THSD7A: variants seen among roughly 807,000 people sequenced by gnomAD.
THSD7A encodes the protein thrombospondin type-1 domain-containing protein 7A.
Under a neutral mutation model 231.3 loss-of-function variants are expected in THSD7A, and 96 were observed. The ratio of observed to expected loss-of-function variants is 0.41; its 90% confidence interval spans 0.35 to 0.49. THSD7A has a LOEUF of 0.49. Ranked by LOEUF, THSD7A falls within the 20% of genes least tolerant of loss-of-function variation. The probability of loss-of-function intolerance (pLI) is 0.05; values close to 1 mark genes in which losing one functional copy is unlikely to be tolerated. For missense variants in THSD7A, 2,290 were observed against 2,070.2 expected, an observed-to-expected ratio of 1.11 and a Z score of -2.06; for synonymous variants, 940 against 743.3, an observed-to-expected ratio of 1.26 and a Z score of -4.30.
intron 2 of THSD7A, among the ~76,000 whole-genome samples, chr7:11,616,578 G>A (rs565502318): frequency 3.9e-5 from 6 of 152,146 alleles, no homozygotes; most frequent in Non-Finnish European, 7.4e-5. Context: ...CTTCCTAGCA[G>A]CACTGACTAA....
chr7:11,492,563 T>C (rs997396643), intron 6 of THSD7A, among the ~76,000 whole-genome samples: 1 of 152,014 alleles, frequency 6.6e-6, no homozygotes, highest in Non-Finnish European at 1.5e-5. Context: ...GTGTAAAATT[T>C]TGACCCACTG....
chr7:11,571,328 A>C (rs1372844813), intron 4 of THSD7A, among the ~76,000 whole-genome samples: 2 of 152,006 alleles, frequency 1.3e-5, no homozygotes, highest in African/African-American at 4.8e-5. Context: ...TCATTTACTT[A>C]CTCATTCCCC....
intron 4 of THSD7A, among the ~76,000 whole-genome samples, chr7:11,568,869 A>G (rs893428225): frequency 6.6e-5 from 10 of 151,750 alleles, no homozygotes; most frequent in African/African-American, 2.4e-4. Context: ...ATAAAAATAA[A>G]ATTTCAGTAA....
chr7:11,574,155 A>T (rs761386462), intron 4 of THSD7A, among the ~76,000 whole-genome samples: 5 of 152,184 alleles, frequency 3.3e-5, no homozygotes, highest in Non-Finnish European at 7.3e-5. Flanking sequence ...TGGTGATCTA[A>T]ATAACATTAT....
chr7:11,713,769 A>G (rs1781042151), intron 1 of THSD7A, among the ~76,000 whole-genome samples: 1 of 151,208 alleles, frequency 6.6e-6, no homozygotes, highest in Non-Finnish European at 1.5e-5. Flanking sequence ...ACACAGAGCT[A>G]GATGTTCTCT....
At chr7:11,603,010 A>T (rs559943197) in intron 2 of THSD7A, among the ~76,000 whole-genome samples, 1 of 151,368 alleles carries the variant, frequency 6.6e-6, no homozygotes, top group Admixed American at 6.6e-5. Context: ...TGGCAACAAA[A>T]GACAAAATTG....
chr7:11,769,153 A>ATATATATTTTTTTTTTTTTTTTTTTT, intron 1 of THSD7A, among the ~76,000 whole-genome samples: 1 of 27,660 alleles, frequency 3.6e-5, no homozygotes, highest in Non-Finnish European at 7.0e-5. Context: ...ATATATATAT[A>ATATATATTTTTTTTTTTTTTTTTTTT]TTTTTTTTTT....
At chr7:11,536,272 A>C (rs1000303637) in intron 6 of THSD7A, among the ~76,000 whole-genome samples, 1 of 152,156 alleles carries the variant, frequency 6.6e-6, no homozygotes, top group African/African-American at 2.4e-5. Context: ...CTTTTAGTTT[A>C]TACAACATTT....
intron 6 of THSD7A, among the ~76,000 whole-genome samples, chr7:11,507,659 C>T (rs1412153043): frequency 1.3e-5 from 2 of 150,386 alleles, no homozygotes; most frequent in Non-Finnish European, 2.9e-5. Flanking sequence ...GATAATACTG[C>T]TAATAATACT....
At chr7:11,788,309 T>C (rs997442543) in intron 1 of THSD7A, among the ~76,000 whole-genome samples, 1 of 152,088 alleles carries the variant, frequency 6.6e-6, no homozygotes, top group Non-Finnish European at 1.5e-5. Flanking sequence ...ACTCTCCCAC[T>C]TAAATATTAA....
chr7:11,463,209 T>C (rs1174971974), intron 9 of THSD7A, among the ~76,000 whole-genome samples: 2 of 152,168 alleles, frequency 1.3e-5, no homozygotes, highest in Non-Finnish European at 2.9e-5. Flanking sequence ...AAAGTATGAT[T>C]TGATGATTAG....
intron 1 of THSD7A, among the ~76,000 whole-genome samples, chr7:11,719,579 C>T (rs1781274446): frequency 1.3e-5 from 2 of 151,576 alleles, no homozygotes; most frequent in South Asian, 2.1e-4. Context: ...ATGGATCGCT[C>T]GGTCCTTTTG....
rs138717233 is a variant in THSD7A at position 11,634,180 on chromosome 7, T to C, written c.1022+1950A>G. On this transcript the variant is annotated intron_variant, in intron 2 of 27. Coordinates refer to ENST00000423059, the MANE Select transcript of THSD7A (RefSeq NM_015204.3). This position sits in a 1 kb window ranked among gnomAD's most constrained non-coding sequence, Gnocchi z 4.1. ...ATTTAACATAAAGTTTAACCTATAC[T>C]GTAATAAGTCAGAAAATATATGCAA... Among the ~76,000 whole-genome samples the C allele has an allele frequency of 1.5e-3, 223 of 152,314 alleles. 1 individual carries two copies. The highest frequency in any genetic ancestry group is 5.1e-3 in the African/African-American group (210 of 41,578).
intron 1 of THSD7A, among the ~76,000 whole-genome samples, chr7:11,765,308 A>T (rs987229866): frequency 2.0e-5 from 3 of 152,210 alleles, no homozygotes; most frequent in African/African-American, 7.2e-5. Flanking sequence ...ACTTTCTCAT[A>T]GAATTATGAA....
At chr7:11,782,480 T>C (rs1407267259) in intron 1 of THSD7A, among the ~76,000 whole-genome samples, 1 of 152,094 alleles carries the variant, frequency 6.6e-6, no homozygotes, top group Admixed American at 6.5e-5. Flanking sequence ...TTTACCGAAA[T>C]GAATTGCAAA....
chr7:11,429,109 G>A lies in THSD7A; in HGVS notation c.3081C>T (p.Ala1027=). 2 of 1,597,962 alleles carry A rather than the reference G, an allele frequency of 1.3e-6. No homozygotes were observed. The highest frequency in any genetic ancestry group is 1.7e-6 in the Non-Finnish European group (2 of 1,174,590). ...AGTCTGAGGGGCAGGGGATGATGCA[G>A]GCCTCCTCAATGTAACCTGAGTAGA... The part of the protein sequence containing the change: ...RCNSHGYIEE[A]CIIPCPSDCK... The change falls in exon 14 of 28, where the codon GCC becomes GCT. Residue 1027 remains alanine, a synonymous_variant. Coordinates refer to ENST00000423059, the MANE Select transcript of THSD7A (RefSeq NM_015204.3).
intron 4 of THSD7A, among the ~76,000 whole-genome samples, chr7:11,565,768 G>C (rs896608128): frequency 6.6e-5 from 10 of 152,210 alleles, no homozygotes; most frequent in African/African-American, 2.4e-4. Flanking sequence ...TAGTTGATCA[G>C]AGTCCTTTGC....
Position 11,400,371 on chromosome 7 carries a change from C to A in THSD7A, c.4411+1424G>T, listed in dbSNP as rs117594990. 5.6e-3 allele frequency among the ~76,000 whole-genome samples: 847 copies of A among 152,164 alleles called. 3 individuals are homozygous for A. The highest frequency in any genetic ancestry group is 0.017 in the Middle Eastern group (5 of 294). ...CTTAGTTCATTTTTAACTTTTCTCCCTTCTGTAGAAGCGTTTAAAGCTTCA... is the reference window on the plus strand; with the variant it reads ...CTTAGTTCATTTTTAACTTTTCTCCATTCTGTAGAAGCGTTTAAAGCTTCA... On this transcript the variant is annotated intron_variant, in intron 23 of 27. Coordinates refer to ENST00000423059, the MANE Select transcript of THSD7A (RefSeq NM_015204.3).
chr7:11,436,462 A>G (rs1387270174), intron 13 of THSD7A, among the ~76,000 whole-genome samples: 1 of 152,052 alleles, frequency 6.6e-6, no homozygotes, highest in Non-Finnish European at 1.5e-5. Context: ...ACTAGGTTAT[A>G]CAGGTCTATT....
Sources: gnomAD v4.1 joint callset for allele counts (sites outside exome capture counted in the v4.1 genomes callset) on GRCh38, gnomAD v4.1.1 for gene constraint, Gnocchi (gnomAD v3.1) non-coding constraint, MANE v1.5 for transcripts, NCBI Gene and HGNC (gene_info 2026-07-23, HGNC 2026-07-21) for gene names.